PRKAR1A: variants seen among roughly 807,000 people sequenced by gnomAD.
PRKAR1A encodes protein kinase cAMP-dependent type I regulatory subunit alpha.
PRKAR1A carries 3 observed loss-of-function variants against 52.0 expected under a neutral mutation model. That is an observed-to-expected ratio of 0.06 (90% CI 0.03 to 0.15). PRKAR1A has a LOEUF of 0.15. Ranked by LOEUF, PRKAR1A falls within the 10% of genes least tolerant of loss-of-function variation. PRKAR1A has a pLI of 1.00. For synonymous variants in PRKAR1A, 188 were observed against 168.4 expected, an observed-to-expected ratio of 1.12 and a Z score of -0.90; for missense variants, 240 against 477.4, an observed-to-expected ratio of 0.50 and a Z score of 4.63.
At chr17:68,491,174 G>A in the PRKAR1A span, among the ~76,000 whole-genome samples, 3 of 150,284 alleles carry the variant, frequency 2.0e-5, no homozygotes, top group Non-Finnish European at 4.4e-5. Flanking sequence ...TCACTGCAAC[G>A]TCTGCCTTCT....
At chr17:68,536,213 C>G (rs1172531711), downstream of PRKAR1A, 1 of 454,110 alleles carries the variant, frequency 2.2e-6, no homozygotes, top group Admixed American at 2.3e-5. Flanking sequence ...TGACCTTGTA[C>G]TCTCTTTAGT....
At position 68,540,932 on chromosome 17, in the gene PRKAR1A, T is replaced by C. The variant is rs1196020646; in HGVS notation, c.974-10152T>C. ...GTACGGGTAGATCTGTTTCACTGTG[T>C]CACAGTAAAGGGGATTGACCTCCCA... On this transcript the variant is annotated intron_variant, in intron 11 of 11. Coordinates refer to the PRKAR1A transcript ENST00000585981. 3.1e-6 allele frequency: 5 copies of C among 1,597,888 alleles called. No homozygotes were observed. The South Asian group carries it at 5.6e-5, about 18-fold the overall frequency.
chr17:68,508,010 T>C (rs898603013), upstream of PRKAR1A, among the ~76,000 whole-genome samples: 27 of 152,308 alleles, frequency 1.8e-4, no homozygotes, highest in East Asian at 9.6e-4. Flanking sequence ...TCAATAGACA[T>C]TGAGTAAAGC....
intron 11 of PRKAR1A, chr17:68,540,753 CA>C: frequency 6.8e-7 from 1 of 1,467,100 alleles, no homozygotes; most frequent in Non-Finnish European, 9.3e-7. Flanking sequence ...ACTCAGTCCT[CA>C]TGAACCAGGT....
intron 1 of PRKAR1A, chr17:68,514,935 G>T (rs1217153958): frequency 4.4e-6 from 1 of 225,086 alleles, no homozygotes; most frequent in Non-Finnish European, 9.0e-6. Context: ...TAGAAGTTAC[G>T]TATAGGGAAT....
At chr17:68,427,040 G>A in the PRKAR1A span, 1 of 1,033,092 alleles carries the variant, frequency 9.7e-7, no homozygotes, top group Admixed American at 1.9e-5. Flanking sequence ...CCACCCCCAG[G>A]TAACAGTGAA....
chr17:68,429,887 C>T, the PRKAR1A span: 2 of 1,532,124 alleles, frequency 1.3e-6, no homozygotes, highest in South Asian at 2.4e-5. Flanking sequence ...CCGTGCCCAG[C>T]CTGGGGCAAG....
In PRKAR1A at chr17:68,525,856, A is replaced by G. The variant is rs950375633; in HGVS notation, c.652A>G (p.Lys218Glu). The change falls in exon 7 of 11, where the codon AAG becomes GAG. Residue 218 changes from lysine (K) to glutamate (E), a missense_variant. Physicochemically the swap from Lys to Glu is moderately conservative, Grantham distance 56. This residue lies in a region of PRKAR1A where 107 missense variants were observed against 290.9 expected (regional missense o/e 0.37). Coordinates refer to ENST00000589228, the MANE Select transcript of PRKAR1A (RefSeq NM_002734.5). The stretch of plus-strand genomic sequence containing the variant: ...ACCGAGAGCAGCCACTGTCAAAGCA[A>G]AGACAAATGTGAAATTGTGGGGCAT... The part of the protein sequence containing the change: ...GTPRAATVKA[K>E]TNVKLWGIDR... The G allele has an allele frequency of 1.9e-6, 3 of 1,613,860 alleles. No individual in the cohort carries two copies. Among genetic ancestry groups the G allele is most frequent in the Non-Finnish European group, 1.7e-6 (2 of 1,179,954 alleles).
downstream of PRKAR1A, among the ~76,000 whole-genome samples, chr17:68,534,372 G>C (rs138553177): frequency 6.6e-6 from 1 of 152,018 alleles, no homozygotes; most frequent in Non-Finnish European, 1.5e-5. Context: ...TTCTGTATTT[G>C]TAATTTACCT....
At position 68,530,413 on chromosome 17, in the gene PRKAR1A, C is replaced by T. The variant is rs62638722; in HGVS notation, c.1110C>T (p.Ile370=). ...GCTCAGACATCCTCAAACGAAACAT[C>T]CAGCAGTACAACAGTTTTGTGTCAC... ...GPCSDILKRN[I]QQYNSFVSLS... Residue 370 remains isoleucine, a synonymous_variant, in exon 11 of 11, where the codon ATC becomes ATT. Transcript: ENST00000589228. The T allele has an allele frequency of 4.3e-6, 7 of 1,613,966 alleles. No individual in the cohort carries two copies. The Admixed American group carries it at 1.2e-4, about 27-fold the overall frequency.
chr17:68,542,549 G>C (rs958762453), intron 11 of PRKAR1A: 1 of 724,204 alleles, frequency 1.4e-6, no homozygotes, highest in East Asian at 2.7e-5. Flanking sequence ...GCAGACCATG[G>C]TGGGAGTGTC....
the PRKAR1A span, among the ~76,000 whole-genome samples, chr17:68,478,973 C>A: frequency 2.6e-5 from 4 of 152,214 alleles, no homozygotes; most frequent in Non-Finnish European, 5.9e-5. Context: ...GGCCATCCGC[C>A]CACCTTGGCC....
the PRKAR1A span, among the ~76,000 whole-genome samples, chr17:68,447,175 G>C: frequency 6.6e-6 from 1 of 152,104 alleles, no homozygotes; most frequent in East Asian, 1.9e-4. Context: ...TGGCCTCAGA[G>C]GCTTCGAGCC....
the PRKAR1A span, among the ~76,000 whole-genome samples, chr17:68,479,002 A>G: frequency 6.6e-6 from 1 of 152,244 alleles, no homozygotes; most frequent in East Asian, 1.9e-4. Context: ...TGCTGGGATT[A>G]CAGGCATAAG....
intron 11 of PRKAR1A, among the ~76,000 whole-genome samples, chr17:68,550,154 G>T (rs1029880820): frequency 6.6e-6 from 1 of 152,112 alleles, no homozygotes; most frequent in Non-Finnish European, 1.5e-5. Flanking sequence ...TCTAAGTGAT[G>T]ATGACAACCA....
Position 68,531,403 on chromosome 17 carries a change from G to A in PRKAR1A, c.*954G>A. The A allele has an allele frequency of 9.4e-7, 1 of 1,065,926 alleles. No homozygotes were observed. Among genetic ancestry groups the A allele is most frequent in the Non-Finnish European group, 1.1e-6 (1 of 879,586 alleles). 66.0% of individuals were successfully genotyped at this position (1,065,926 alleles called of 1,614,324 possible). A position where few individuals can be genotyped will look rare whatever the true frequency, so the allele number is the denominator to read the frequency against. ...GATTCCAGGAGATTGGATTTGCTGT[G>A]ACTAGATACAGATGGAGCAAATGTC... On this transcript the variant is annotated 3_prime_UTR_variant, in exon 11 of 11. Coordinates refer to ENST00000589228, the MANE Select transcript of PRKAR1A (RefSeq NM_002734.5).
chr17:68,535,180 C>T (rs62087490), downstream of PRKAR1A: 1 of 432,256 alleles, frequency 2.3e-6, no homozygotes, highest in Admixed American at 2.4e-5. Flanking sequence ...GCTGGAAGAA[C>T]TCGAGTAAGA....
the PRKAR1A span, among the ~76,000 whole-genome samples, chr17:68,433,760 G>GTTTTTTT: frequency 6.2e-4 from 45 of 72,818 alleles, 4 homozygotes; most frequent in African/African-American, 1.2e-3. Flanking sequence ...AAGGGTCATA[G>GTTTTTTT]TTTTTTTTTT....
chr17:68,549,964 C>A (rs569095396), intron 11 of PRKAR1A, among the ~76,000 whole-genome samples: 1 of 152,350 alleles, frequency 6.6e-6, no homozygotes, highest in South Asian at 2.1e-4. Flanking sequence ...TATATTCAGT[C>A]CTGGCATAGT....
Sources: gnomAD v4.1 joint callset for allele counts (sites outside exome capture counted in the v4.1 genomes callset) on GRCh38, gnomAD v4.1.1 for gene constraint, gnomAD v4.1.1 regional missense constraint, MANE v1.5 for transcripts, NCBI Gene and HGNC (gene_info 2026-07-23, HGNC 2026-07-21) for gene names.